The following TEX14 variants were observed in gnomAD, a reference collection of about 807,000 sequenced individuals.
TEX14 encodes testis expressed 14, intercellular bridge forming factor.
Under a neutral mutation model 178.6 loss-of-function variants are expected in TEX14, and 168 were observed. That is an observed-to-expected ratio of 0.94 (90% CI 0.83 to 1.07). The LOEUF is 1.07. Ranked by LOEUF, TEX14 falls within the 50% of genes least tolerant of loss-of-function variation. TEX14 has a pLI of 0.00. For missense variants in TEX14, 1,730 were observed against 1,753.6 expected, an observed-to-expected ratio of 0.99 and a Z score of 0.24; for synonymous variants, 626 against 634.1, an observed-to-expected ratio of 0.99 and a Z score of 0.19.
rs187935790 is a variant in TEX14, at chr17:58,651,371, C to T, written c.136+495G>A. Among the ~76,000 whole-genome samples, 86 of 152,222 alleles carry T rather than the reference C, an allele frequency of 5.6e-4. 2 individuals are homozygous for T. The highest frequency in any genetic ancestry group is 9.6e-4 in the Non-Finnish European group (65 of 68,012). On this transcript the variant is annotated intron_variant, in intron 2 of 31. Coordinates refer to ENST00000349033, the MANE Select transcript of TEX14 (RefSeq NM_031272.5). ...GGTTCTTTGGTTTGTTTTCTCAGAC[C>T]AAATTCACATGACATGTTTGTTGGT...
intron 1 of TEX14, among the ~76,000 whole-genome samples, chr17:58,685,660 T>G (rs2047578700): frequency 6.6e-6 from 1 of 151,674 alleles, no homozygotes; most frequent in African/African-American, 2.4e-5. Flanking sequence ...CATGCAAGCT[T>G]TTTTTAAGCC....
intron 2 of TEX14, among the ~76,000 whole-genome samples, chr17:58,634,330 T>C (rs919419732): frequency 6.6e-6 from 1 of 151,880 alleles, no homozygotes; most frequent in Non-Finnish European, 1.5e-5. Flanking sequence ...GGAGGTTTGC[T>C]TGAACCCGAG....
intron 26 of TEX14, among the ~76,000 whole-genome samples, chr17:58,566,932 T>C (rs879141578): frequency 6.6e-6 from 1 of 151,856 alleles, no homozygotes; most frequent in Non-Finnish European, 1.5e-5. Flanking sequence ...TTTGGGAGGC[T>C]GAGGCAGGTG....
chr17:58,665,126 T>C (rs1335873396), intron 1 of TEX14, among the ~76,000 whole-genome samples: 2 of 152,102 alleles, frequency 1.3e-5, no homozygotes, highest in Non-Finnish European at 1.5e-5. Flanking sequence ...ACATATTCAG[T>C]TGAACATTTT....
intron 15 of TEX14, among the ~76,000 whole-genome samples, chr17:58,591,659 T>C (rs2045144731): frequency 6.6e-6 from 1 of 152,016 alleles, no homozygotes; most frequent in Non-Finnish European, 1.5e-5. Flanking sequence ...AAAGTTTTTT[T>C]TTCCAGGAGA....
chr17:58,673,095 C>G (rs1349483510), intron 1 of TEX14, among the ~76,000 whole-genome samples: 1 of 151,996 alleles, frequency 6.6e-6, no homozygotes, highest in East Asian at 1.9e-4. Flanking sequence ...TTCTCCATGA[C>G]AGTGGAGCCA....
In TEX14 at chr17:58,564,945, C is replaced by G. The variant is rs1252737124; in HGVS notation, c.3988G>C (p.Glu1330Gln). The G allele has an allele frequency of 1.2e-6, 2 of 1,605,878 alleles. No individual in the cohort carries two copies. The highest frequency in any genetic ancestry group is 2.7e-5 in the African/African-American group (2 of 74,442). Residue 1330 changes from glutamate (E) to glutamine (Q), a missense_variant, in exon 28 of 32, where the codon GAA becomes CAA. Physicochemically the swap from Glu to Gln is conservative, Grantham distance 29. This residue lies in a region of TEX14 where 941 missense variants were observed against 1,072.4 expected (regional missense o/e 0.88). Coordinates refer to ENST00000349033, the MANE Select transcript of TEX14 (RefSeq NM_031272.5). ...CTATCTTCTTTTTTACTGTCAGTTT[C>G]TTGTTCTTCTAAGTGCCTTTGATCT... ...ANDQRHLEEQ[E>Q]TDSKKEDSSM...
intron 10 of TEX14, among the ~76,000 whole-genome samples, chr17:58,607,708 C>T (rs368532342): frequency 6.6e-6 from 1 of 152,204 alleles, no homozygotes; most frequent in Admixed American, 6.5e-5. Flanking sequence ...TAGCAGATGG[C>T]GATCCATCAC....
rs1370076999 is a variant in TEX14, at chr17:58,604,840, C to T, written c.1336+138G>A. On this transcript the variant is annotated intron_variant, in intron 11 of 31. Coordinates refer to ENST00000349033, the MANE Select transcript of TEX14 (RefSeq NM_031272.5). Reference sequence around the variant, plus strand: ...CCTCCCAAAGTGCTGGGATTACAGGCGTGAGCCACTGCTCCCAGCCAAGAA... The same window carrying T: ...CCTCCCAAAGTGCTGGGATTACAGGTGTGAGCCACTGCTCCCAGCCAAGAA... The T allele has an allele frequency of 9.4e-6, 9 of 958,520 alleles. 1 individual carries two copies. Among genetic ancestry groups the T allele is most frequent in the Middle Eastern group, 6.9e-4 (2 of 2,886 alleles). 59.4% of individuals were successfully genotyped at this position (958,520 alleles called of 1,614,324 possible).
At chr17:58,612,571 C>A (rs1291765958) in intron 9 of TEX14, among the ~76,000 whole-genome samples, 2 of 151,668 alleles carry the variant, frequency 1.3e-5, no homozygotes, top group African/African-American at 4.8e-5. Flanking sequence ...CCCGTCTCTA[C>A]TAAAAATACA....
chr17:58,571,591 GA>G (rs912209127), intron 24 of TEX14, among the ~76,000 whole-genome samples: 2 of 148,888 alleles, frequency 1.3e-5, no homozygotes, highest in Admixed American at 6.7e-5. Context: ...GAGAGGAAAA[GA>G]AAAAAAAAGG....
intron 1 of TEX14, among the ~76,000 whole-genome samples, chr17:58,667,154 T>C (rs765036420): frequency 6.6e-6 from 1 of 152,202 alleles, no homozygotes; most frequent in Non-Finnish European, 1.5e-5. Context: ...AGTCACGGGA[T>C]ACCCACGCTG....
chr17:58,611,507 G>A (rs576378518), intron 9 of TEX14, among the ~76,000 whole-genome samples, 168 bp from the exon 10 acceptor site: 1 of 152,166 alleles, frequency 6.6e-6, no homozygotes, highest in African/African-American at 2.4e-5. Flanking sequence ...ATGGCCTGAC[G>A]TCCCAATGAC....
rs11324185 is a variant in TEX14, at chr17:58,625,129, G to GT, written c.252-2118dup. 2.6e-3 allele frequency among the ~76,000 whole-genome samples: 386 copies of GT among 145,688 alleles called. 2 individuals are homozygous for GT. The highest frequency in any genetic ancestry group is 3.9e-3 in the Non-Finnish European group (258 of 65,760). ...TACCATCTTCTTTTTTGTTTTTTGG[G>GT]TTTTTTTTTTTTCTTTTTTTGAGAC... On this transcript the variant is annotated intron_variant, in intron 3 of 31. Transcript: ENST00000349033.
Position 58,651,905 on chromosome 17 carries a change from G to C in TEX14, c.97C>G (p.Gln33Glu). Residue 33 changes from glutamine to glutamate, a missense_variant, in exon 2 of 32, where the codon CAA becomes GAA. Coordinates refer to ENST00000349033, the MANE Select transcript of TEX14 (RefSeq NM_031272.5). ...TTCTTCACTTTCACATAGTTCCCTT[G>C]TTTGACATACTCATGAAGCTGAGCT... is the stretch of plus-strand genomic sequence containing the variant. ...LEAQLHEYVK[Q>E]GNYVKVKKIL... 6.2e-7 allele frequency: 1 copy of C among 1,612,910 alleles called. No homozygotes were observed. The highest frequency in any genetic ancestry group is 8.5e-7 in the Non-Finnish European group (1 of 1,179,754).
rs150699549 is a variant in TEX14, at chr17:58,679,671, T to C, written c.-2+12268A>G. ...AATCCACCTTTAATGATCATGTTAT[T>C]TCCCTTGCCAGTTAAGTATGAGTCC... On this transcript the variant is annotated intron_variant, in intron 1 of 31. Transcript: ENST00000349033. 103 of 152,318 alleles carry C rather than the reference T, an allele frequency of 6.8e-4. 1 individual carries two copies. The highest frequency in any genetic ancestry group is 2.4e-3 in the African/African-American group (100 of 41,562). 9.4% of individuals were successfully genotyped at this position (152,318 alleles called of 1,614,324 possible).
intron 2 of TEX14, among the ~76,000 whole-genome samples, chr17:58,637,931 G>A (rs1253881905): frequency 1.3e-5 from 2 of 148,816 alleles, no homozygotes; most frequent in East Asian, 2.0e-4. Context: ...GTGCGATCTC[G>A]GCTCACTGCA....
chr17:58,665,416 C>T (rs1276063844), intron 1 of TEX14, among the ~76,000 whole-genome samples: 1 of 151,956 alleles, frequency 6.6e-6, no homozygotes, highest in Non-Finnish European at 1.5e-5. Context: ...GCCTGACCAA[C>T]TTGCCTAAAC....
chr17:58,691,396 C>T (rs1024196780), intron 1 of TEX14, among the ~76,000 whole-genome samples: 7 of 150,548 alleles, frequency 4.6e-5, no homozygotes, highest in African/African-American at 1.7e-4. Flanking sequence ...GGGCCGGGCG[C>T]GGTGGCTCAC....
Sources: allele counts gnomAD v4.1 joint callset (sites outside exome capture counted in the v4.1 genomes callset), GRCh38; gene constraint gnomAD v4.1.1; regional missense constraint gnomAD v4.1.1; transcripts MANE v1.5; gene names NCBI Gene and HGNC (gene_info 2026-07-23, HGNC 2026-07-21).